PPP2R5E: variants seen among roughly 807,000 people sequenced by gnomAD.
PPP2R5E encodes the protein protein phosphatase 2 regulatory subunit B'epsilon.
A neutral mutation model predicts 65.3 loss-of-function variants in PPP2R5E; 4 were observed. The observed-to-expected ratio is 0.06, with a 90% confidence interval of 0.03 to 0.14. PPP2R5E has a LOEUF of 0.14. PPP2R5E is among the 10% of genes least tolerant of loss of function. The pLI is 1.00. For synonymous variants in PPP2R5E, 183 were observed against 187.4 expected (o/e 0.98, Z 0.19); for missense variants, 274 against 556.1 (o/e 0.49, Z 5.10).
rs1359069908 is a variant in PPP2R5E, at chr14:63,478,408, A to AT, written c.158-24524dup. ...AATTCATTTCAATACAATTGTAAATATTTTTTAAACTACTTTAAACCACAT... is the reference window on the plus strand; with the variant it reads ...AATTCATTTCAATACAATTGTAAATATTTTTTTAAACTACTTTAAACCACAT... On this transcript the variant is annotated intron_variant, in intron 2 of 13. Coordinates refer to ENST00000337537, the MANE Select transcript of PPP2R5E (RefSeq NM_006246.5). 5.3e-5 allele frequency among the ~76,000 whole-genome samples: 8 copies of AT among 152,314 alleles called. No homozygotes were observed. In the East Asian group the frequency reaches 1.5e-3, roughly 29 times the overall value.
chr14:63,395,270 T>G lies in PPP2R5E; in HGVS notation c.696A>C (p.Thr232=), dbSNP rs769336621. The G allele has an allele frequency of 6.2e-7, 1 of 1,609,874 alleles. No individual in the cohort carries two copies. Among genetic ancestry groups the G allele is most frequent in the Admixed American group, 1.7e-5 (1 of 59,908 alleles). The stretch of plus-strand genomic sequence containing the variant: ...GTTCAGCTACACCATTGAAGTGTTC[T>G]GTTTCATAAACAAACCTGAGAGAAG... The part of the protein sequence containing the change: ...NNIFLRFVYE[T]EHFNGVAELL... The change falls in exon 7 of 14, where the codon ACA becomes ACC. Residue 232 remains threonine (T), a synonymous_variant. Coordinates refer to ENST00000337537, the MANE Select transcript of PPP2R5E (RefSeq NM_006246.5).
chr14:63,462,292 A>G (rs2139514402), intron 2 of PPP2R5E, among the ~76,000 whole-genome samples: 1 of 152,094 alleles, frequency 6.6e-6, no homozygotes, highest in African/African-American at 2.4e-5. Context: ...GGATGGTCTC[A>G]ATCTCCTGAC....
At chr14:63,405,281 G>A (rs1331368893) in intron 5 of PPP2R5E, among the ~76,000 whole-genome samples, 3 of 152,032 alleles carry the variant, frequency 2.0e-5, no homozygotes, top group Non-Finnish European at 2.9e-5. Context: ...CATATTCAAG[G>A]AACTCGTTTG....
chr14:63,523,470 C>A (rs1047293603), intron 2 of PPP2R5E, among the ~76,000 whole-genome samples: 1 of 152,032 alleles, frequency 6.6e-6, no homozygotes, highest in African/African-American at 2.4e-5. Flanking sequence ...GGATTAAGGG[C>A]GGTGCAAGAT....
intron 12 of PPP2R5E, among the ~76,000 whole-genome samples, chr14:63,383,420 G>C (rs987828723): frequency 1.3e-5 from 2 of 152,164 alleles, no homozygotes; most frequent in Non-Finnish European, 2.9e-5. Flanking sequence ...TAAGGTTCCA[G>C]AATGACCTTC....
intron 2 of PPP2R5E, among the ~76,000 whole-genome samples, chr14:63,506,252 C>T (rs1290460668): frequency 6.6e-6 from 1 of 152,012 alleles, no homozygotes; most frequent in Non-Finnish European, 1.5e-5. Context: ...AGATGGAGAC[C>T]ATCCTGGCTA....
At chr14:63,393,707 G>T in intron 8 of PPP2R5E, 113 bp downstream of exon 8, 1 of 681,980 alleles carries the variant, frequency 1.5e-6, no homozygotes, top group Non-Finnish European at 2.4e-6. Flanking sequence ...GCAAGACTCC[G>T]TCTCAAAAAA....
At chr14:63,476,149 C>A (rs1236056598) in intron 2 of PPP2R5E, among the ~76,000 whole-genome samples, 1 of 152,088 alleles carries the variant, frequency 6.6e-6, no homozygotes, top group East Asian at 1.9e-4. Context: ...CAAACAATGC[C>A]CTCACATTTG....
At chr14:63,425,503 AAAGGGGG>A (rs1310189914) in intron 3 of PPP2R5E, among the ~76,000 whole-genome samples, 1 of 152,180 alleles carries the variant, frequency 6.6e-6, no homozygotes, top group African/African-American at 2.4e-5. Context: ...GTAAACCATG[AAAGGGGG>A]GAAAAGGGGG....
intron 2 of PPP2R5E, among the ~76,000 whole-genome samples, chr14:63,530,573 C>G (rs180752306): frequency 6.1e-4 from 92 of 150,062 alleles, no homozygotes; most frequent in Middle Eastern, 3.5e-3. Flanking sequence ...AATATGAATG[C>G]AAGCTTCTAT....
chr14:63,523,090 G>A (rs1893022564), intron 2 of PPP2R5E, among the ~76,000 whole-genome samples: 1 of 149,920 alleles, frequency 6.7e-6, no homozygotes, highest in Non-Finnish European at 1.5e-5. Flanking sequence ...GAGGTGGGGG[G>A]GTCAGCCCCC....
At chr14:63,423,986 T>C (rs1887184336) in intron 3 of PPP2R5E, among the ~76,000 whole-genome samples, 1 of 151,956 alleles carries the variant, frequency 6.6e-6, no homozygotes, top group South Asian at 2.1e-4. Flanking sequence ...TGGCATGATC[T>C]GATTTTTGCT....
chr14:63,465,643 A>T (rs899850249), intron 2 of PPP2R5E, among the ~76,000 whole-genome samples: 2 of 152,136 alleles, frequency 1.3e-5, no homozygotes, highest in African/African-American at 2.4e-5. Flanking sequence ...AATTTTTTTT[A>T]AAGAAACATT....
At chr14:63,540,292 G>A (rs537260722) in intron 1 of PPP2R5E, among the ~76,000 whole-genome samples, 6 of 150,450 alleles carry the variant, frequency 4.0e-5, no homozygotes, top group South Asian at 2.1e-4. Context: ...TTAGCCAGGC[G>A]CAGTGGCATG....
rs1555353678 is a variant in PPP2R5E at position 63,374,634 on chromosome 14, G to GATTATATATATATATATATATATATATAA, written c.*1374_*1375insTTATATATATATATATATATATATATAAT. ...TAAATACAAAGCAGAGAGCCAATAA[G>GATTATATATATATATATATATATATATAA]ATATATATATATATATATATATATA... is the stretch of plus-strand genomic sequence containing the variant. On this transcript the variant is annotated 3_prime_UTR_variant, in exon 14 of 14. Transcript: ENST00000337537. The GATTATATATATATATATATATATATATAA allele has an allele frequency of 9.1e-6, 1 of 109,598 alleles. No homozygotes were observed. The highest frequency in any genetic ancestry group is 4.8e-5 in the African/African-American group (1 of 20,648). 6.8% of individuals were successfully genotyped at this position (109,598 alleles called of 1,614,324 possible).
At chr14:63,531,548 C>A (rs1385652541) in intron 2 of PPP2R5E, among the ~76,000 whole-genome samples, 1 of 151,920 alleles carries the variant, frequency 6.6e-6, no homozygotes, top group Non-Finnish European at 1.5e-5. Flanking sequence ...TGCTTCCCCC[C>A]AAAAAAATTA....
At chr14:63,412,730 G>A (rs1310542233) in intron 5 of PPP2R5E, among the ~76,000 whole-genome samples, 1 of 152,190 alleles carries the variant, frequency 6.6e-6, no homozygotes, top group Non-Finnish European at 1.5e-5. Context: ...GATTGGCGAG[G>A]AGAAAAGTCT....
chr14:63,523,804 A>T (rs906553464), intron 2 of PPP2R5E, among the ~76,000 whole-genome samples: 1 of 152,220 alleles, frequency 6.6e-6, no homozygotes, highest in Non-Finnish European at 1.5e-5. Context: ...CTTACCCTCA[A>T]AAAAACTCTT....
intron 10 of PPP2R5E, among the ~76,000 whole-genome samples, chr14:63,391,445 C>T (rs773997578): frequency 2.1e-5 from 3 of 145,652 alleles, no homozygotes; most frequent in Non-Finnish European, 4.5e-5. Flanking sequence ...GTTTTTGAGA[C>T]AGAGTTCACT....
Sources: allele counts gnomAD v4.1 joint callset (sites outside exome capture counted in the v4.1 genomes callset), GRCh38; gene constraint gnomAD v4.1.1; transcripts MANE v1.5; gene names NCBI Gene and HGNC (gene_info 2026-07-23, HGNC 2026-07-21).